The following UTS2B variants were observed in gnomAD, a reference collection of about 807,000 sequenced individuals.
UTS2B encodes urotensin-2B.
A neutral mutation model predicts 19.2 loss-of-function variants in UTS2B; 21 were observed. The observed-to-expected ratio is 1.09, with a 90% CI of 0.78 to 1.58. The LOEUF (loss-of-function observed/expected upper bound fraction) is 1.58, where lower values mean the gene tolerates loss of function less well. Among genes scored for constraint, UTS2B ranks in the 40% most tolerant of loss-of-function variants. UTS2B has a pLI of 0.00. For missense variants in UTS2B, 138 were observed against 130.3 expected, an observed-to-expected ratio of 1.06 and a Z score of -0.29; for synonymous variants, 57 against 50.2, an observed-to-expected ratio of 1.14 and a Z score of -0.58.
intron 3 of UTS2B, among the ~76,000 whole-genome samples, chr3:191,307,020 T>A (rs998288328): frequency 2.6e-5 from 4 of 152,120 alleles, no homozygotes; most frequent in African/African-American, 7.2e-5. Flanking sequence ...TGGCAGCGCA[T>A]GAAAGGTGGG....
upstream of UTS2B, among the ~76,000 whole-genome samples, chr3:191,332,603 G>A (rs564590022): frequency 6.6e-6 from 1 of 152,308 alleles, no homozygotes; most frequent in South Asian, 2.1e-4. Flanking sequence ...AATGCAATTT[G>A]CGAATGTTAG....
Position 191,283,842 on chromosome 3 carries a change from T to C in UTS2B, c.-124-1529A>G, listed in dbSNP as rs113055305. Among the ~76,000 whole-genome samples, 781 of 152,334 alleles carry C rather than the reference T, an allele frequency of 5.1e-3. 6 individuals carry two copies. Among genetic ancestry groups the C allele is most frequent in the African/African-American group, 0.017 (707 of 41,576 alleles). On this transcript the variant is annotated intron_variant, in intron 4 of 8. Coordinates refer to ENST00000340524, the MANE Select transcript of UTS2B (RefSeq NM_198152.5). ...CCTAAAAGCTTATTCTTCCATAGCATTTCAAAACCTCTGTCATTCAAATAT... is the reference window on the plus strand; with the variant it reads ...CCTAAAAGCTTATTCTTCCATAGCACTTCAAAACCTCTGTCATTCAAATAT...
chr3:191,288,174 A>G (rs1425040299), intron 4 of UTS2B, among the ~76,000 whole-genome samples: 1 of 152,202 alleles, frequency 6.6e-6, no homozygotes, highest in Non-Finnish European at 1.5e-5. Context: ...TAGAATAATT[A>G]ATATTGTTAA....
chr3:191,282,140 A>T lies in UTS2B; in HGVS notation c.50T>A (p.Leu17Ter), dbSNP rs1293905862. The stretch of plus-strand genomic sequence containing the variant: ...AGATTGTAAAAAACTCAACACGGAT[A>T]ACAAAGTTAGGAGTCCAAAGCAAAC... ...STVCFGLLTL[L>*]SVLSFLQSVH... is the part of the protein sequence containing the mutation. Residue 17 changes from leucine (L) to a stop codon, truncating the protein, a stop_gained, in exon 5 of 9, where the codon TTA becomes TAA. Coordinates refer to ENST00000340524, the MANE Select transcript of UTS2B (RefSeq NM_198152.5). LOFTEE classifies it high-confidence loss of function. 6.2e-7 allele frequency: 1 copy of T among 1,613,512 alleles called. No homozygotes were observed.
At chr3:191,312,370 G>A (rs1183346803) in intron 3 of UTS2B, among the ~76,000 whole-genome samples, 1 of 152,136 alleles carries the variant, frequency 6.6e-6, no homozygotes, top group African/African-American at 2.4e-5. Flanking sequence ...CTTTGAGTGA[G>A]GTTATTACAT....
At chr3:191,284,967 G>C (rs1026978183) in intron 4 of UTS2B, among the ~76,000 whole-genome samples, 12 of 152,124 alleles carry the variant, frequency 7.9e-5, no homozygotes, top group Admixed American at 7.2e-4. Context: ...AAAGAACTGA[G>C]TGCTAATTAG....
chr3:191,302,964 C>T (rs1422887705), intron 4 of UTS2B, among the ~76,000 whole-genome samples: 1 of 152,104 alleles, frequency 6.6e-6, no homozygotes, highest in Admixed American at 6.5e-5. Flanking sequence ...GTCATGAGGC[C>T]CCTCCTTACA....
intron 8 of UTS2B, among the ~76,000 whole-genome samples, chr3:191,273,800 C>T (rs181317789): frequency 6.6e-6 from 1 of 152,186 alleles, no homozygotes; most frequent in East Asian, 1.9e-4. Flanking sequence ...TTGCTCAAAA[C>T]AAAATCCTTG....
At chr3:191,331,117 T>A (rs1422072963), upstream of UTS2B, among the ~76,000 whole-genome samples, 1 of 152,202 alleles carries the variant, frequency 6.6e-6, no homozygotes, top group Non-Finnish European at 1.5e-5. Context: ...TATCCTTTAC[T>A]TTTGGATATG....
chr3:191,326,832 T>G (rs1205769351), intron 2 of UTS2B, among the ~76,000 whole-genome samples: 1 of 152,238 alleles, frequency 6.6e-6, no homozygotes. Context: ...TTTGCTCAGC[T>G]TGGGGACCTA....
chr3:191,310,246 G>A (rs57811639), intron 3 of UTS2B, among the ~76,000 whole-genome samples: 9,218 of 151,314 alleles, frequency 0.061, 923 homozygotes, highest in African/African-American at 0.21. Context: ...GATTACAGGC[G>A]TAAGCCACCG....
rs1054515464 is a variant in UTS2B at position 191,316,120 on chromosome 3, C to T, written c.-266G>A. Reference sequence around the variant, plus strand: ...AAGTGGTTGGCAATCAGCTAGATGTCAGCTGTCAGCTGGGAGCTCCATTAT... The same window carrying T: ...AAGTGGTTGGCAATCAGCTAGATGTTAGCTGTCAGCTGGGAGCTCCATTAT... On this transcript the variant is annotated 5_prime_UTR_variant, in exon 3 of 9. An upstream open reading frame in the 5' UTR loses its in-frame stop. Coordinates refer to ENST00000340524, the MANE Select transcript of UTS2B (RefSeq NM_198152.5). 2 of 152,242 alleles carry T rather than the reference C, an allele frequency of 1.3e-5. No individual in the cohort carries two copies. The highest frequency in any genetic ancestry group is 1.5e-5 in the Non-Finnish European group (1 of 68,066). The allele number at this position is 152,242 out of a possible 1,614,324, so 9.4% of individuals were successfully genotyped here. A position where few individuals can be genotyped will look rare whatever the true frequency, so the allele number is the denominator to read the frequency against.
intron 4 of UTS2B, among the ~76,000 whole-genome samples, chr3:191,295,420 C>T (rs1261709388): frequency 6.6e-6 from 1 of 151,980 alleles, no homozygotes; most frequent in African/African-American, 2.4e-5. Context: ...CCTGGTTATA[C>T]TTTTTCGGCT....
At chr3:191,305,970 T>A (rs1033619774) in intron 3 of UTS2B, among the ~76,000 whole-genome samples, 1 of 152,130 alleles carries the variant, frequency 6.6e-6, no homozygotes, top group Admixed American at 6.5e-5. Flanking sequence ...AAAGATCAGA[T>A]AGTTGTAGGT....
At chr3:191,297,980 C>T (rs1458290636) in intron 4 of UTS2B, among the ~76,000 whole-genome samples, 6 of 152,156 alleles carry the variant, frequency 3.9e-5, no homozygotes, top group African/African-American at 1.4e-4. Flanking sequence ...AAGCGCTGGG[C>T]TTCTGTCTCT....
At position 191,308,232 on chromosome 3, in the gene UTS2B, T is replaced by C. The variant is rs981466784; in HGVS notation, c.-181-3684A>G. Among the ~76,000 whole-genome samples the C allele has an allele frequency of 1.3e-5, 2 of 152,296 alleles. 1 individual carries two copies. The highest frequency in any genetic ancestry group is 1.3e-4 in the Admixed American group (2 of 15,304). Reference sequence around the variant, plus strand: ...TCGCTAGAACTTCAGTGGCTTGGAATCCAGGCACCTGGTAGGGCTAGGAAT... The same window carrying C: ...TCGCTAGAACTTCAGTGGCTTGGAACCCAGGCACCTGGTAGGGCTAGGAAT... On this transcript the variant is annotated intron_variant, in intron 3 of 8. Coordinates refer to ENST00000340524, the MANE Select transcript of UTS2B (RefSeq NM_198152.5).
intron 1 of UTS2B, chr3:191,329,031 G>A (rs910238767): frequency 4.6e-5 from 7 of 152,370 alleles, no homozygotes; most frequent in Non-Finnish European, 8.8e-5. Context: ...TAAACATCCT[G>A]TGTTAATCTC....
At chr3:191,323,090 A>G (rs1210983702) in intron 2 of UTS2B, among the ~76,000 whole-genome samples, 1 of 152,048 alleles carries the variant, frequency 6.6e-6, no homozygotes, top group Non-Finnish European at 1.5e-5. Flanking sequence ...GGGTTGATAG[A>G]TTTGGAAAGG....
chr3:191,321,407 G>T (rs1001368512), intron 2 of UTS2B, among the ~76,000 whole-genome samples: 5 of 152,142 alleles, frequency 3.3e-5, no homozygotes, highest in African/African-American at 1.2e-4. Flanking sequence ...CAAGAAATAG[G>T]TTTTCACTAG....
Sources: gnomAD v4.1 joint callset for allele counts (sites outside exome capture counted in the v4.1 genomes callset) on GRCh38, gnomAD v4.1.1 for gene constraint, MANE v1.5 for transcripts, NCBI Gene and HGNC (gene_info 2026-07-23, HGNC 2026-07-21) for gene names.